MARK1: variants seen among roughly 807,000 people sequenced by gnomAD.
The protein encoded by MARK1 is serine/threonine-protein kinase MARK1.
A neutral mutation model predicts 96.3 loss-of-function variants in MARK1; 40 were observed. The ratio of observed to expected loss-of-function variants is 0.42; its 90% CI spans 0.32 to 0.54. The LOEUF is 0.54. Among genes scored for constraint, MARK1 ranks in the 20% least tolerant of loss-of-function variants. The probability of loss-of-function intolerance (pLI) is 0.16; values close to 1 mark genes in which losing one functional copy is unlikely to be tolerated. For missense variants in MARK1, 719 were observed against 984.6 expected (o/e 0.73, Z 3.61); for synonymous variants, 317 against 341.2 (o/e 0.93, Z 0.78).
intron 1 of MARK1, among the ~76,000 whole-genome samples, chr1:220,568,979 C>A (rs1663248187): frequency 6.6e-6 from 1 of 152,158 alleles, no homozygotes; most frequent in Non-Finnish European, 1.5e-5. Context: ...TGTCTCCCAA[C>A]TCCTCCTATA....
At chr1:220,646,846 G>A (rs532333047) in intron 13 of MARK1, among the ~76,000 whole-genome samples, 2 of 152,314 alleles carry the variant, frequency 1.3e-5, no homozygotes, top group African/African-American at 4.8e-5. Context: ...GAACTAGCTA[G>A]CCATATGCAG....
At chr1:220,602,114 T>C (rs1483634437) in intron 5 of MARK1, among the ~76,000 whole-genome samples, 4 of 152,184 alleles carry the variant, frequency 2.6e-5, no homozygotes, top group Non-Finnish European at 4.4e-5. Context: ...AAATCTGACA[T>C]GTACACTAGA....
rs1667906631 is a variant in MARK1 at position 220,635,461 on chromosome 1, C to T, written c.1208C>T (p.Ser403Phe). The T allele has an allele frequency of 6.2e-7, 1 of 1,613,318 alleles. No homozygotes were observed. The highest frequency in any genetic ancestry group is 8.5e-7 in the Non-Finnish European group (1 of 1,179,860). ...GACTTAAACAACAGCACTCTTCAGT[C>T]CCCTGCTCACCTGAAGGTCCAGAGA... Reference protein sequence around the residue: ...SSDLNNSTLQSPAHLKVQRSI... With the variant: ...SSDLNNSTLQFPAHLKVQRSI... The change falls in exon 12 of 18, where the codon TCC becomes TTC. Residue 403 changes from serine to phenylalanine, a missense_variant. Transcript: ENST00000366917.
At position 220,661,902 on chromosome 1, in the gene MARK1, CACTAGTTCAATGGACCCTAATG is replaced by C; in HGVS notation, c.2127_2148del (p.Ser710Ter). On this transcript the variant is annotated frameshift_variant, in exon 18 of 18. Coordinates refer to ENST00000366917, the MANE Select transcript of MARK1 (RefSeq NM_018650.5). LOFTEE classifies it high-confidence loss of function. ...TGCGGTTCACATGGAGTATGAAGAC[CACTAGTTCAATGGACCCTAATG>C]ACATGATGAGAGAAATCCGAAAAGT... 6.2e-7 allele frequency: 1 copy of C among 1,614,130 alleles called. No individual in the cohort carries two copies. The highest frequency in any genetic ancestry group is 8.5e-7 in the Non-Finnish European group (1 of 1,180,018).
Position 220,653,359 on chromosome 1 carries a change from A to G in MARK1, c.1988+7A>G. On this transcript the variant is annotated splice_region_variant and intron_variant, in intron 16 of 17. Transcript: ENST00000366917. Reference sequence around the variant, plus strand: ...CATCCAAATTTGTTCGCAGGTCAGTACCAATGTACTGTCGTGTTTTGATTC... The same window carrying G: ...CATCCAAATTTGTTCGCAGGTCAGTGCCAATGTACTGTCGTGTTTTGATTC... 1 of 1,613,686 alleles carries G rather than the reference A, an allele frequency of 6.2e-7. No homozygotes were observed. Among genetic ancestry groups the G allele is most frequent in the South Asian group, 1.1e-5 (1 of 91,064 alleles).
chr1:220,583,527 T>C (rs1664386909), intron 3 of MARK1, among the ~76,000 whole-genome samples: 1 of 152,200 alleles, frequency 6.6e-6, no homozygotes, highest in African/African-American at 2.4e-5. Flanking sequence ...CAATGAGTTT[T>C]CATAGTTAAA....
At chr1:220,653,435 A>T in intron 16 of MARK1, 83 bp downstream of exon 16, 1 of 1,387,552 alleles carries the variant, frequency 7.2e-7, no homozygotes, top group South Asian at 1.5e-5. Context: ...CTTTATAATA[A>T]TTTTCTAAAA....
intron 13 of MARK1, among the ~76,000 whole-genome samples, chr1:220,647,577 TA>T (rs1668648898): frequency 6.6e-6 from 1 of 152,296 alleles, no homozygotes; most frequent in African/African-American, 2.4e-5. Context: ...CATTCTGTTA[TA>T]AAGGTTCATG....
At chr1:220,570,024 A>C (rs1337762586) in intron 1 of MARK1, among the ~76,000 whole-genome samples, 1 of 152,182 alleles carries the variant, frequency 6.6e-6, no homozygotes, top group African/African-American at 2.4e-5. Context: ...TATCTGAAAA[A>C]AATTTTACAA....
chr1:220,553,944 G>A (rs1001810460), intron 1 of MARK1, among the ~76,000 whole-genome samples: 9 of 152,186 alleles, frequency 5.9e-5, no homozygotes, highest in African/African-American at 2.2e-4. Context: ...GACCTCTGAT[G>A]TTCTGGCGTC....
intron 1 of MARK1, among the ~76,000 whole-genome samples, chr1:220,562,800 G>A (rs1022267517): frequency 4.6e-5 from 7 of 152,034 alleles, no homozygotes; most frequent in Non-Finnish European, 7.4e-5. Context: ...TTATAATACC[G>A]AATACAGTGC....
At chr1:220,589,764 A>T (rs1664862011) in intron 3 of MARK1, among the ~76,000 whole-genome samples, 1 of 152,256 alleles carries the variant, frequency 6.6e-6, no homozygotes, top group Non-Finnish European at 1.5e-5. Context: ...TGCTAGCAAC[A>T]TTGTGTGACA....
At chr1:220,548,582 A>G (rs1661655121) in intron 1 of MARK1, among the ~76,000 whole-genome samples, 1 of 152,198 alleles carries the variant, frequency 6.6e-6, no homozygotes, top group East Asian at 1.9e-4. Flanking sequence ...TCTACTGAAA[A>G]TACAAAAATT....
At chr1:220,551,530 A>C (rs1464466414) in intron 1 of MARK1, among the ~76,000 whole-genome samples, 1 of 152,216 alleles carries the variant, frequency 6.6e-6, no homozygotes, top group Admixed American at 6.5e-5. Flanking sequence ...TAATAGCAGA[A>C]TTAATCTTTA....
intron 13 of MARK1, among the ~76,000 whole-genome samples, chr1:220,648,054 A>G (rs1179056134): frequency 1.3e-5 from 2 of 151,778 alleles, no homozygotes; most frequent in East Asian, 3.8e-4. Context: ...ATAAAATAAG[A>G]TTTAAAAATT....
intron 5 of MARK1, among the ~76,000 whole-genome samples, chr1:220,602,751 G>A (rs987854953): frequency 5.3e-5 from 8 of 151,884 alleles, no homozygotes; most frequent in African/African-American, 1.9e-4. Context: ...ATAATATGCT[G>A]TCTAACATTG....
At chr1:220,560,637 C>A (rs1662605349) in intron 1 of MARK1, among the ~76,000 whole-genome samples, 1 of 152,168 alleles carries the variant, frequency 6.6e-6, no homozygotes, top group African/African-American at 2.4e-5. Flanking sequence ...GCCTATACAG[C>A]ATGTGTATGC....
intron 1 of MARK1, among the ~76,000 whole-genome samples, chr1:220,562,118 C>T (rs1408754630): frequency 6.6e-6 from 1 of 152,114 alleles, no homozygotes. Flanking sequence ...CCTTAACTTG[C>T]TTATTTGAGA....
intron 1 of MARK1, among the ~76,000 whole-genome samples, chr1:220,558,704 A>G (rs1662461209): frequency 6.6e-6 from 1 of 152,084 alleles, no homozygotes; most frequent in South Asian, 2.1e-4. Flanking sequence ...AAAACAAAAA[A>G]TTGATATATT....
Sources: gnomAD v4.1 joint callset for allele counts (sites outside exome capture counted in the v4.1 genomes callset) on GRCh38, gnomAD v4.1.1 for gene constraint, MANE v1.5 for transcripts, NCBI Gene and HGNC (gene_info 2026-07-23, HGNC 2026-07-21) for gene names.